NEGR1: variants seen among roughly 807,000 people sequenced by gnomAD.
NEGR1 encodes IgLON family member 4.
In NEGR1, 10 loss-of-function variants were observed where a neutral mutation model predicts 40.9. The ratio of observed to expected loss-of-function variants is 0.24; its 90% CI spans 0.15 to 0.42. The LOEUF is 0.42. Among genes scored for constraint, NEGR1 ranks in the 10% least tolerant of loss-of-function variants. The pLI is 1.00. For synonymous variants in NEGR1, 185 were observed against 166.8 expected (o/e 1.11, Z -0.84); for missense variants, 352 against 438.9 (o/e 0.80, Z 1.77).
In NEGR1 at chr1:72,235,284, G is replaced by A. The variant is rs538395488; in HGVS notation, c.176+47035C>T. 1.8e-4 allele frequency among the ~76,000 whole-genome samples: 27 copies of A among 152,222 alleles called. No individual in the cohort carries two copies. The East Asian group carries it at 1.9e-3, about 11-fold the overall frequency. On this transcript the variant is annotated intron_variant, in intron 1 of 6. Coordinates refer to ENST00000357731, the MANE Select transcript of NEGR1 (RefSeq NM_173808.3). ...ATATAATGTGGTTACAACACAGAGCGCTTGTGAAGAGTGGTGGGTGAAGAT... is the reference window on the plus strand; with the variant it reads ...ATATAATGTGGTTACAACACAGAGCACTTGTGAAGAGTGGTGGGTGAAGAT...
chr1:72,053,913 A>G (rs1050280207), intron 1 of NEGR1, among the ~76,000 whole-genome samples: 12 of 151,024 alleles, frequency 7.9e-5, no homozygotes, highest in African/African-American at 2.9e-4. Flanking sequence ...CAGAACCTCA[A>G]CTAGATGTTT....
intron 2 of NEGR1, among the ~76,000 whole-genome samples, chr1:71,787,114 C>A (rs1376076613): frequency 6.6e-6 from 1 of 152,186 alleles, no homozygotes; most frequent in East Asian, 1.9e-4. Flanking sequence ...AATATCCTAT[C>A]TAAATTGCAC....
At chr1:72,009,601 CCTAAGGATTAGGG>C (rs1346046371) in intron 1 of NEGR1, among the ~76,000 whole-genome samples, 17 of 151,916 alleles carry the variant, frequency 1.1e-4, no homozygotes, top group Non-Finnish European at 1.5e-5. Flanking sequence ...CAAGGAACAT[CCTAAGGATTAGGG>C]CAGGACATAT....
At chr1:71,534,151 C>A (rs1030531917) in intron 6 of NEGR1, among the ~76,000 whole-genome samples, 4 of 151,602 alleles carry the variant, frequency 2.6e-5, no homozygotes, top group African/African-American at 4.8e-5. Context: ...TGCAAACAAA[C>A]AAAACTACAA....
At chr1:71,574,494 T>C (rs1175328556) in intron 6 of NEGR1, among the ~76,000 whole-genome samples, 1 of 152,164 alleles carries the variant, frequency 6.6e-6, no homozygotes, top group African/African-American at 2.4e-5. Flanking sequence ...GGCTCTGCCA[T>C]TAACAAATTA....
intron 6 of NEGR1, among the ~76,000 whole-genome samples, chr1:71,517,678 G>T (rs1647128399): frequency 7.3e-6 from 1 of 137,622 alleles, no homozygotes; most frequent in Non-Finnish European, 1.5e-5. Context: ...AGACAAGGAT[G>T]CCCTCTCTCA....
chr1:72,054,227 A>G (rs1207102999), intron 1 of NEGR1, among the ~76,000 whole-genome samples: 1 of 151,394 alleles, frequency 6.6e-6, no homozygotes, highest in East Asian at 1.9e-4. Flanking sequence ...GAAATCCTTC[A>G]GCATGCAGGG....
chr1:71,943,461 T>C (rs1645991061), intron 1 of NEGR1, among the ~76,000 whole-genome samples: 1 of 151,838 alleles, frequency 6.6e-6, no homozygotes, highest in Non-Finnish European at 1.5e-5. Context: ...AATTAAACTG[T>C]TTTTCTGCAA....
chr1:71,711,734 A>T (rs11209829), intron 3 of NEGR1, among the ~76,000 whole-genome samples: 43,362 of 152,098 alleles, frequency 0.29, 7,771 homozygotes, highest in East Asian at 0.57. Flanking sequence ...AACTGCCCAA[A>T]TATCCTTCAA....
chr1:71,648,565 T>C (rs1651608906), intron 4 of NEGR1, among the ~76,000 whole-genome samples: 1 of 152,016 alleles, frequency 6.6e-6, no homozygotes. Flanking sequence ...GCCTGGATTC[T>C]ATTTCTGGCT....
intron 1 of NEGR1, among the ~76,000 whole-genome samples, chr1:72,099,010 A>G (rs1392487329): frequency 6.6e-6 from 1 of 152,010 alleles, no homozygotes; most frequent in East Asian, 1.9e-4. Flanking sequence ...AGAATATTAT[A>G]ATTATATTCA....
chr1:71,826,199 T>C (rs1658617374), intron 2 of NEGR1, among the ~76,000 whole-genome samples: 1 of 151,948 alleles, frequency 6.6e-6, no homozygotes, highest in Non-Finnish European at 1.5e-5. Context: ...CCTGTATACA[T>C]TGAATGAACA....
At chr1:72,194,552 C>T (rs1445484347) in intron 1 of NEGR1, among the ~76,000 whole-genome samples, 1 of 151,920 alleles carries the variant, frequency 6.6e-6, no homozygotes, top group African/African-American at 2.4e-5. Context: ...ATTTTACCTT[C>T]TGGGGGATAG....
intron 1 of NEGR1, among the ~76,000 whole-genome samples, chr1:72,252,778 T>C (rs1655147031): frequency 6.6e-6 from 1 of 152,204 alleles, no homozygotes. Flanking sequence ...ACAGACTCTC[T>C]GAAAGCAGTA....
chr1:72,256,434 G>A (rs1332308101), intron 1 of NEGR1, among the ~76,000 whole-genome samples: 1 of 152,208 alleles, frequency 6.6e-6, no homozygotes, highest in Non-Finnish European at 1.5e-5. Context: ...AAGAAAACAA[G>A]ATTGTGCTTT....
intron 2 of NEGR1, among the ~76,000 whole-genome samples, chr1:71,780,401 T>C (rs368496727): frequency 2.0e-5 from 3 of 152,110 alleles, no homozygotes; most frequent in African/African-American, 7.2e-5. Flanking sequence ...AAAAAGACAA[T>C]GAAAAGGCAG....
chr1:71,814,543 G>A (rs1317134450), intron 2 of NEGR1, among the ~76,000 whole-genome samples: 1 of 151,984 alleles, frequency 6.6e-6, no homozygotes, highest in Middle Eastern at 3.2e-3. Flanking sequence ...TCTGGTCCTG[G>A]GCTTTTTATG....
intron 2 of NEGR1, among the ~76,000 whole-genome samples, chr1:71,819,964 A>T (rs2101774797): frequency 6.6e-6 from 1 of 152,142 alleles, no homozygotes; most frequent in African/African-American, 2.4e-5. Context: ...CTGGGCAAGA[A>T]CCAGAAGGGG....
Position 71,898,584 on chromosome 1 carries a change from C to T in NEGR1, c.409+36495G>A, listed in dbSNP as rs1417656729. On this transcript the variant is annotated intron_variant, in intron 2 of 6. Transcript: ENST00000357731. The stretch of plus-strand genomic sequence containing the variant: ...GAGCCGAGATCGTGCCACTGCACTC[C>T]AGCCTGGGCGACAGAGCGAGACTCC... Among the ~76,000 whole-genome samples, 3 of 152,016 alleles carry T rather than the reference C, an allele frequency of 2.0e-5. No individual in the cohort carries two copies. The East Asian group carries it at 5.8e-4, about 29-fold the overall frequency.
Sources: gnomAD v4.1 joint callset for allele counts (sites outside exome capture counted in the v4.1 genomes callset) on GRCh38, gnomAD v4.1.1 for gene constraint, MANE v1.5 for transcripts, NCBI Gene and HGNC (gene_info 2026-07-23, HGNC 2026-07-21) for gene names.